AP3B1: variants seen among roughly 807,000 people sequenced by gnomAD.
AP3B1 encodes adaptor related protein complex 3 subunit beta 1, also known as AP-3 complex subunit beta-1.
Under a neutral mutation model 132.5 loss-of-function variants are expected in AP3B1, and 61 were observed. That is an observed-to-expected ratio of 0.46 (90% CI 0.37 to 0.57). The LOEUF (loss-of-function observed/expected upper bound fraction) is 0.57. Ranked by LOEUF, AP3B1 falls within the 20% of genes least tolerant of loss-of-function variation. The probability of loss-of-function intolerance (pLI) is 0.00; values close to 1 mark genes in which losing one functional copy is unlikely to be tolerated. For synonymous variants in AP3B1, 388 were observed against 438.3 expected, an observed-to-expected ratio of 0.89 and a Z score of 1.43; for missense variants, 1,120 against 1,289.4, an observed-to-expected ratio of 0.87 and a Z score of 2.01.
At chr5:78,028,028 A>G (rs927899744) in intron 24 of AP3B1, among the ~76,000 whole-genome samples, 1 of 152,160 alleles carries the variant, frequency 6.6e-6, no homozygotes, top group African/African-American at 2.4e-5. Context: ...TGGGAAGCTA[A>G]GGAAGGACAG....
intron 20 of AP3B1, among the ~76,000 whole-genome samples, chr5:78,107,925 A>G (rs1361157023): frequency 6.6e-6 from 1 of 152,210 alleles, no homozygotes; most frequent in Non-Finnish European, 1.5e-5. Flanking sequence ...TTGATCTTTC[A>G]TATTTTATTT....
intron 14 of AP3B1, among the ~76,000 whole-genome samples, chr5:78,152,048 C>CCCTTCCCTTCCCTTTT (rs1472631043): frequency 1.0e-5 from 1 of 99,846 alleles, no homozygotes; most frequent in African/African-American, 4.0e-5. Context: ...CTCCCCCTTC[C>CCCTTCCCTTCCCTTTT]CCTTCCCTTC....
chr5:78,170,558 T>C (rs1353839688), intron 11 of AP3B1, among the ~76,000 whole-genome samples: 3 of 152,206 alleles, frequency 2.0e-5, no homozygotes, highest in Admixed American at 1.3e-4. Flanking sequence ...ATGTCTTCTT[T>C]TGAGAAGTGT....
At chr5:78,191,086 G>T (rs1744807657) in intron 7 of AP3B1, among the ~76,000 whole-genome samples, 2 of 152,176 alleles carry the variant, frequency 1.3e-5, no homozygotes, top group African/African-American at 2.4e-5. Flanking sequence ...AGTGATAAAA[G>T]ATGTCATTTT....
chr5:78,227,624 G>A (rs551586369), intron 4 of AP3B1, 92 bp from the exon 5 acceptor site: 2 of 1,226,348 alleles, frequency 1.6e-6, no homozygotes. Context: ...CTTAAAGGGT[G>A]TAATATGACA....
intron 21 of AP3B1, among the ~76,000 whole-genome samples, chr5:78,099,157 T>A (rs373028): frequency 0.24 from 36,611 of 152,146 alleles, 4,642 homozygotes; most frequent in Admixed American, 0.31. Context: ...AGCCCTCACC[T>A]ATCATCAAAT....
At chr5:78,064,332 G>A (rs907498729) in intron 22 of AP3B1, among the ~76,000 whole-genome samples, 2 of 152,072 alleles carry the variant, frequency 1.3e-5, no homozygotes, top group Non-Finnish European at 2.9e-5. Flanking sequence ...TCTGGAAGTT[G>A]ATTTTTTCTA....
chr5:78,126,357 T>C (rs1483012852), intron 17 of AP3B1, among the ~76,000 whole-genome samples: 1 of 151,600 alleles, frequency 6.6e-6, no homozygotes, highest in Admixed American at 6.6e-5. Flanking sequence ...ATACAAAAAT[T>C]AGCCAAGCAT....
chr5:78,214,887 T>G (rs1745893110), intron 7 of AP3B1, among the ~76,000 whole-genome samples: 1 of 152,170 alleles, frequency 6.6e-6, no homozygotes, highest in Admixed American at 6.5e-5. Context: ...CAAAACATAC[T>G]TCAATTTTTA....
chr5:78,205,862 T>A (rs200213170), intron 7 of AP3B1, among the ~76,000 whole-genome samples: 396 of 30,458 alleles, frequency 0.013, 2 homozygotes, highest in African/African-American at 0.033. Context: ...TCTAAAAAAA[T>A]TTTTTTTTTT....
chr5:78,009,787 A>AGG, intron 26 of AP3B1, among the ~76,000 whole-genome samples: 1 of 52,744 alleles, frequency 1.9e-5, no homozygotes, highest in Non-Finnish European at 3.8e-5. Context: ...GGGGTGGGGG[A>AGG]GGGGGAGAGG....
At position 78,039,035 on chromosome 5, in the gene AP3B1, A is replaced by C; in HGVS notation, c.2809+8T>G. ...TAGTTAAGGTTTTAAATGAGAATTA[A>C]TATTTACCTATTGGATTAAAAACAT... On this transcript the variant is annotated splice_region_variant and intron_variant, in intron 23 of 26. Coordinates refer to ENST00000255194, the MANE Select transcript of AP3B1 (RefSeq NM_003664.5). The C allele has an allele frequency of 6.7e-7, 1 of 1,483,678 alleles. No homozygotes were observed. The highest frequency in any genetic ancestry group is 9.4e-7 in the Non-Finnish European group (1 of 1,064,082). The allele number at this position is 1,483,678 out of a possible 1,614,324, so 91.9% of individuals were successfully genotyped here. A position where few individuals can be genotyped will look rare whatever the true frequency, so the allele number is the denominator to read the frequency against.
At chr5:78,128,256 TCAAA>T in intron 16 of AP3B1, 96 bp from the exon 17 acceptor site, 8 of 1,133,478 alleles carry the variant, frequency 7.1e-6, no homozygotes, top group Non-Finnish European at 1.0e-5. Flanking sequence ...GCATATTACC[TCAAA>T]TGTCAAGGAA....
intron 3 of AP3B1, among the ~76,000 whole-genome samples, chr5:78,238,271 C>T (rs935123790): frequency 3.9e-5 from 6 of 152,104 alleles, no homozygotes; most frequent in Non-Finnish European, 5.9e-5. Context: ...TCACTGTCTC[C>T]CATCACACCC....
intron 22 of AP3B1, among the ~76,000 whole-genome samples, chr5:78,059,271 G>A (rs1226219536): frequency 1.3e-5 from 2 of 152,160 alleles, no homozygotes; most frequent in African/African-American, 4.8e-5. Flanking sequence ...AACTGGAAAA[G>A]TCAAAAAACA....
At chr5:78,212,908 T>A (rs926669173) in intron 7 of AP3B1, among the ~76,000 whole-genome samples, 4 of 151,998 alleles carry the variant, frequency 2.6e-5, no homozygotes, top group Admixed American at 6.6e-5. Context: ...TTATTTATTT[T>A]TTTGAGACAC....
intron 1 of AP3B1, among the ~76,000 whole-genome samples, chr5:78,274,228 A>T (rs1367352426): frequency 6.6e-6 from 1 of 152,036 alleles, no homozygotes; most frequent in African/African-American, 2.4e-5. Context: ...TTCAGAACTG[A>T]AAAGTATAGT....
intron 7 of AP3B1, among the ~76,000 whole-genome samples, chr5:78,186,655 C>A (rs1744619551): frequency 6.6e-6 from 1 of 152,064 alleles, no homozygotes; most frequent in South Asian, 2.1e-4. Context: ...TCTAAATTAT[C>A]TTTTAAAAAC....
chr5:78,029,010 T>A (rs1310735868), intron 24 of AP3B1, among the ~76,000 whole-genome samples: 2 of 152,172 alleles, frequency 1.3e-5, no homozygotes. Context: ...TTTTTGTACA[T>A]CCTATATGTT....
Sources: allele counts gnomAD v4.1 joint callset (sites outside exome capture counted in the v4.1 genomes callset), GRCh38; gene constraint gnomAD v4.1.1; transcripts MANE v1.5; gene names NCBI Gene and HGNC (gene_info 2026-07-23, HGNC 2026-07-21).